Variants in CCDC150 observed in about 807,000 individuals in gnomAD.
CCDC150 encodes the protein coiled-coil domain-containing protein 150.
Under a neutral mutation model 156.5 loss-of-function variants are expected in CCDC150, and 151 were observed. The ratio of observed to expected loss-of-function variants is 0.97; its 90% confidence interval spans 0.85 to 1.10. The LOEUF (loss-of-function observed/expected upper bound fraction) is 1.10, where lower values mean the gene tolerates loss of function less well. CCDC150 is among the 50% of genes least tolerant of loss of function. The pLI is 0.00. For missense variants in CCDC150, 1,312 were observed against 1,268.1 expected (o/e 1.03, Z -0.53); for synonymous variants, 452 against 429.4 (o/e 1.05, Z -0.65).
At chr2:196,673,341 T>C (rs1274793514) in intron 9 of CCDC150, among the ~76,000 whole-genome samples, 6 of 152,292 alleles carry the variant, frequency 3.9e-5, no homozygotes, top group Non-Finnish European at 7.4e-5. Flanking sequence ...TGAACTCAGG[T>C]AACCTGGCTC....
intron 5 of CCDC150, among the ~76,000 whole-genome samples, chr2:196,664,274 C>T (rs1344239142): frequency 6.6e-6 from 1 of 152,104 alleles, no homozygotes; most frequent in South Asian, 2.1e-4. Context: ...CAAGATTGCC[C>T]CCCACTTTAG....
intron 15 of CCDC150, among the ~76,000 whole-genome samples, chr2:196,708,060 T>C (rs1696793193): frequency 6.6e-6 from 1 of 152,178 alleles, no homozygotes; most frequent in African/African-American, 2.4e-5. Flanking sequence ...CTGGATATCC[T>C]TGTTAACCTT....
intron 15 of CCDC150, among the ~76,000 whole-genome samples, chr2:196,706,801 G>A (rs907664102): frequency 3.9e-5 from 6 of 152,202 alleles, no homozygotes; most frequent in African/African-American, 1.4e-4. Flanking sequence ...CTGTTTATGT[G>A]ATGGATTATG....
At chr2:196,695,258 A>C in intron 14 of CCDC150, 99 bp downstream of exon 14, 1 of 589,676 alleles carries the variant, frequency 1.7e-6, no homozygotes, top group Non-Finnish European at 3.0e-6. Context: ...TTGTGTTTTC[A>C]TAATTATTAA....
At chr2:196,692,530 T>G (rs1193714213) in intron 13 of CCDC150, among the ~76,000 whole-genome samples, 2 of 152,260 alleles carry the variant, frequency 1.3e-5, no homozygotes, top group African/African-American at 2.4e-5. Flanking sequence ...TTATCTCTTT[T>G]TTCTCATTAG....
chr2:196,720,460 A>G (rs1021023229), intron 19 of CCDC150, 115 bp from the exon 20 acceptor site: 15 of 720,516 alleles, frequency 2.1e-5, no homozygotes, highest in African/African-American at 8.9e-5. Context: ...CTAGTGATAT[A>G]TAAGTATGAT....
intron 16 of CCDC150, 170 bp from the exon 17 acceptor site, chr2:196,712,507 T>G: frequency 1.6e-6 from 1 of 608,214 alleles, no homozygotes; most frequent in South Asian, 2.3e-5. Context: ...CTCCATAAAC[T>G]TTATTAGAGA....
chr2:196,712,760 T>C (rs754956907), intron 17 of CCDC150, 21 bp downstream of exon 17: 7 of 1,579,384 alleles, frequency 4.4e-6, no homozygotes, highest in Non-Finnish European at 6.1e-6. Context: ...TGAAAGTGCT[T>C]ACTTGTCAGC....
chr2:196,657,706 A>G (rs753061477), intron 4 of CCDC150, among the ~76,000 whole-genome samples: 1 of 152,104 alleles, frequency 6.6e-6, no homozygotes, highest in African/African-American at 2.4e-5. Context: ...GAAACTAACA[A>G]TGTTGTTCTC....
chr2:196,707,213 A>G (rs899910833), intron 15 of CCDC150, among the ~76,000 whole-genome samples: 2 of 152,090 alleles, frequency 1.3e-5, no homozygotes, highest in South Asian at 2.1e-4. Flanking sequence ...TAGAAGTTCA[A>G]TTTCTTCCTG....
intron 18 of CCDC150, 107 bp downstream of exon 18, chr2:196,718,738 A>G (rs1697696557): frequency 7.3e-7 from 1 of 1,372,488 alleles, no homozygotes; most frequent in African/African-American, 1.5e-5. Context: ...ATAAGGATTG[A>G]TCAGGGGAGG....
chr2:196,646,173 C>G (rs1177805754), intron 1 of CCDC150, among the ~76,000 whole-genome samples, 168 bp from the exon 2 acceptor site: 1 of 152,174 alleles, frequency 6.6e-6, no homozygotes, highest in African/African-American at 2.4e-5. Flanking sequence ...TGGTGAAGAA[C>G]AAGCTGGCTC....
intron 5 of CCDC150, among the ~76,000 whole-genome samples, chr2:196,661,418 G>C (rs535531923): frequency 2.4e-4 from 36 of 152,156 alleles, no homozygotes; most frequent in Non-Finnish European, 4.7e-4. Context: ...TCTTTTATTT[G>C]TGTGTACCCA....
At position 196,677,432 on chromosome 2, in the gene CCDC150, T is replaced by C. The variant is rs564493971; in HGVS notation, c.1509+71T>C. On this transcript the variant is annotated intron_variant, in intron 13 of 27. Transcript: ENST00000389175. ...TATTGCTGACTACCGTATCAGCTTA[T>C]CTTAATGAGGAGATGGCTGATGAAT... 37 of 1,014,430 alleles carry C rather than the reference T, an allele frequency of 3.6e-5. No homozygotes were observed. In the African/African-American group the frequency reaches 5.9e-4, roughly 16 times the overall value. 62.8% of individuals were successfully genotyped at this position (1,014,430 alleles called of 1,614,324 possible). A position where few individuals can be genotyped will look rare whatever the true frequency, so the allele number is the denominator to read the frequency against.
chr2:196,670,549 C>CT (rs563681921), intron 8 of CCDC150, among the ~76,000 whole-genome samples: 2,741 of 140,358 alleles, frequency 0.02, 31 homozygotes, highest in South Asian at 0.066. Flanking sequence ...AGAAAACTAG[C>CT]TTTTTTTTTT....
At chr2:196,674,103 A>C (rs958979911) in intron 9 of CCDC150, 138 bp from the exon 10 acceptor site, 5 of 536,522 alleles carry the variant, frequency 9.3e-6, no homozygotes, top group African/African-American at 8.0e-5. Flanking sequence ...AACTAATGAC[A>C]TGTGAATTGA....
At chr2:196,672,909 A>G (rs1287411832) in intron 9 of CCDC150, among the ~76,000 whole-genome samples, 3 of 152,160 alleles carry the variant, frequency 2.0e-5, no homozygotes. Flanking sequence ...TGTTTTATAT[A>G]TATGTGCATC....
At position 196,730,122 on chromosome 2, in the gene CCDC150, A is replaced by C. The variant is rs1345648257; in HGVS notation, c.2982+4A>C. On this transcript the variant is annotated splice_donor_region_variant and intron_variant, in intron 25 of 27. Coordinates refer to ENST00000389175, the MANE Select transcript of CCDC150 (RefSeq NM_001080539.2). ...GGAGCTAGAGAATCGGTGCCAGGTA[A>C]AAGGTTTCCTAAGATTCATCTTAAA... 2 of 1,593,872 alleles carry C rather than the reference A, an allele frequency of 1.3e-6. No homozygotes were observed. Among genetic ancestry groups the C allele is most frequent in the East Asian group, 4.5e-5 (2 of 44,678 alleles).
chr2:196,718,571 G>A lies in CCDC150; in HGVS notation c.1935G>A (p.Leu645=), dbSNP rs776384326. 2 of 1,613,852 alleles carry A rather than the reference G, an allele frequency of 1.2e-6. No homozygotes were observed. The highest frequency in any genetic ancestry group is 4.5e-5 in the East Asian group (2 of 44,878). ...SRTVKCRNAA[L]KESQKLKEDL... ...CAGTGAAGTGTCGTAATGCGGCCCT[G>A]AAAGAGAGTCAGAAGTTGAAAGAAG... Residue 645 remains leucine, a synonymous_variant, in exon 18 of 28, where the codon CTG becomes CTA. Coordinates refer to ENST00000389175, the MANE Select transcript of CCDC150 (RefSeq NM_001080539.2).
Sources: gnomAD v4.1 joint callset for allele counts (sites outside exome capture counted in the v4.1 genomes callset) on GRCh38, gnomAD v4.1.1 for gene constraint, MANE v1.5 for transcripts, NCBI Gene and HGNC (gene_info 2026-07-23, HGNC 2026-07-21) for gene names.